Variants in DSCAM observed in about 807,000 individuals in gnomAD.
DSCAM encodes cell adhesion molecule DSCAM.
Under a neutral mutation model 217.7 loss-of-function variants are expected in DSCAM, and 47 were observed. That is an observed-to-expected ratio of 0.22 (90% CI 0.17 to 0.28). The LOEUF is 0.28. Ranked by LOEUF, DSCAM falls within the 10% of genes least tolerant of loss-of-function variation. DSCAM has a pLI of 1.00. For missense variants in DSCAM, 2,080 were observed against 2,618.3 expected, an observed-to-expected ratio of 0.79 and a Z score of 4.49; for synonymous variants, 1,056 against 1,015.3, an observed-to-expected ratio of 1.04 and a Z score of -0.76.
chr21:40,303,740 C>T (rs2074041186), intron 9 of DSCAM, among the ~76,000 whole-genome samples: 1 of 152,172 alleles, frequency 6.6e-6, no homozygotes, highest in South Asian at 2.1e-4. Context: ...ATTGGATCAA[C>T]AGATGGCAAT....
intron 1 of DSCAM, among the ~76,000 whole-genome samples, chr21:40,731,661 T>C: frequency 6.6e-6 from 1 of 151,786 alleles, no homozygotes; most frequent in Non-Finnish European, 1.5e-5. Context: ...TATAAGGATA[T>C]CAGTCATATT....
intron 16 of DSCAM, among the ~76,000 whole-genome samples, chr21:40,147,043 A>G (rs1042894471): frequency 2.0e-5 from 3 of 152,252 alleles, no homozygotes; most frequent in Non-Finnish European, 4.4e-5. Context: ...AATGTTAGAT[A>G]TAGTGACCCA....
chr21:40,188,032 A>T, intron 12 of DSCAM, 45 bp from the exon 13 acceptor site: 1 of 1,516,198 alleles, frequency 6.6e-7, no homozygotes, highest in Non-Finnish European at 9.1e-7. Flanking sequence ...AGTAGGCAAA[A>T]TGACTTTGAG....
chr21:40,536,812 G>A (rs2076503390), intron 3 of DSCAM, among the ~76,000 whole-genome samples: 1 of 152,132 alleles, frequency 6.6e-6, no homozygotes, highest in East Asian at 1.9e-4. Context: ...TGCGTAAAGA[G>A]GACACAGAAA....
chr21:40,326,202 A>G (rs1382845662), intron 8 of DSCAM, among the ~76,000 whole-genome samples: 1 of 152,226 alleles, frequency 6.6e-6, no homozygotes, highest in Non-Finnish European at 1.5e-5. Flanking sequence ...GACAGATGAT[A>G]ATGGTGTGGT....
chr21:40,273,586 G>A (rs2073647588), intron 11 of DSCAM, among the ~76,000 whole-genome samples: 1 of 152,166 alleles, frequency 6.6e-6, no homozygotes, highest in Non-Finnish European at 1.5e-5. Flanking sequence ...GCCTTTTGAA[G>A]GCCCTTGTGT....
chr21:40,640,035 T>A (rs966508919), intron 3 of DSCAM, among the ~76,000 whole-genome samples: 1 of 151,428 alleles, frequency 6.6e-6, no homozygotes, highest in Non-Finnish European at 1.5e-5. Context: ...ATGCACAGAA[T>A]TGATTAGTTC....
chr21:40,818,361 A>G (rs1450997121), intron 1 of DSCAM, among the ~76,000 whole-genome samples: 1 of 151,530 alleles, frequency 6.6e-6, no homozygotes, highest in Non-Finnish European at 1.5e-5. Flanking sequence ...CCTGGCTAAC[A>G]TGGTGAAACC....
intron 3 of DSCAM, among the ~76,000 whole-genome samples, chr21:40,401,609 C>T (rs1026667968): frequency 6.6e-6 from 1 of 152,156 alleles, no homozygotes; most frequent in Non-Finnish European, 1.5e-5. Context: ...GTCTTGGAGA[C>T]CATCAAGCGT....
At chr21:40,483,846 G>GCTTTCT (rs1200424841) in intron 3 of DSCAM, among the ~76,000 whole-genome samples, 3 of 152,136 alleles carry the variant, frequency 2.0e-5, no homozygotes, top group Non-Finnish European at 4.4e-5. Context: ...TGCTGTGAAT[G>GCTTTCT]CTTTCTATGA....
intron 4 of DSCAM, among the ~76,000 whole-genome samples, chr21:40,368,780 T>A (rs1388005095): frequency 6.6e-6 from 1 of 152,196 alleles, no homozygotes; most frequent in African/African-American, 2.4e-5. Flanking sequence ...GGTTTTATAA[T>A]CAAATCAAAT....
intron 1 of DSCAM, among the ~76,000 whole-genome samples, chr21:40,800,739 G>A (rs1258774147): frequency 1.5e-5 from 2 of 129,846 alleles, no homozygotes; most frequent in African/African-American, 3.1e-5. Flanking sequence ...TTTTTTAAAC[G>A]GAGTCTCACT....
At chr21:40,677,003 G>A (rs1174191692) in intron 3 of DSCAM, among the ~76,000 whole-genome samples, 1 of 152,030 alleles carries the variant, frequency 6.6e-6, no homozygotes, top group Non-Finnish European at 1.5e-5. Flanking sequence ...CAATGATAGG[G>A]TTTCAATTCA....
chr21:40,353,600 G>C lies in DSCAM; in HGVS notation c.799C>G (p.Leu267Val). The C allele has an allele frequency of 1.9e-6, 3 of 1,610,882 alleles. No homozygotes were observed. Among genetic ancestry groups the C allele is most frequent in the Non-Finnish European group, 2.5e-6 (3 of 1,179,272 alleles). ...ACGGTCTTCTGGAACCTCCCTGAAA[G>C]TTCCAGGGGCATGTTGTCCTTCAGC... ...RWLKDNMPLELSGRFQKTVTG... is the reference protein window; with the variant it reads ...RWLKDNMPLEVSGRFQKTVTG... The change falls in exon 5 of 33, where the codon CTT becomes GTT. Residue 267 changes from leucine to valine, a missense_variant. Physicochemically the swap from Leu to Val is conservative, Grantham distance 32. Around this residue, in one of 5 missense-constraint regions of DSCAM, gnomAD observed 568 missense variants for 678.1 expected, o/e 0.84. Coordinates refer to ENST00000400454, the MANE Select transcript of DSCAM (RefSeq NM_001389.5).
intron 4 of DSCAM, among the ~76,000 whole-genome samples, chr21:40,362,569 T>C (rs2074779501): frequency 6.6e-6 from 1 of 152,206 alleles, no homozygotes; most frequent in South Asian, 2.1e-4. Context: ...AGGTTGAAAA[T>C]GGAATTTTCT....
At chr21:40,590,793 G>T (rs2076978537) in intron 3 of DSCAM, among the ~76,000 whole-genome samples, 1 of 152,130 alleles carries the variant, frequency 6.6e-6, no homozygotes. Flanking sequence ...GCATCTTAGA[G>T]GGGTATTGCC....
chr21:40,432,211 A>AAAATAAATAAAT (rs34105705), intron 3 of DSCAM, among the ~76,000 whole-genome samples: 7 of 46,836 alleles, frequency 1.5e-4, no homozygotes, highest in Non-Finnish European at 4.1e-4. Flanking sequence ...ATAATAATAA[A>AAAATAAATAAAT]AAATAAATAT....
chr21:40,610,639 C>T (rs983459556), intron 3 of DSCAM, among the ~76,000 whole-genome samples: 1 of 152,206 alleles, frequency 6.6e-6, no homozygotes, highest in African/African-American at 2.4e-5. Flanking sequence ...TGCCTCTAAT[C>T]TGCATAATAA....
intron 1 of DSCAM, among the ~76,000 whole-genome samples, chr21:40,728,456 T>C (rs1485596845): frequency 6.6e-6 from 1 of 152,074 alleles, no homozygotes; most frequent in African/African-American, 2.4e-5. Flanking sequence ...TTTGCTCTTG[T>C]TGCCCAGGCT....
Sources: allele counts gnomAD v4.1 joint callset (sites outside exome capture counted in the v4.1 genomes callset), GRCh38; gene constraint gnomAD v4.1.1; regional missense constraint gnomAD v4.1.1; transcripts MANE v1.5; gene names NCBI Gene and HGNC (gene_info 2026-07-23, HGNC 2026-07-21).